The following KNL1 variants were observed in gnomAD, a reference collection of about 807,000 sequenced individuals.
The protein encoded by KNL1 is kinetochore scaffold 1, also known as outer kinetochore KNL1 complex subunit KNL1.
A neutral mutation model predicts 201.3 loss-of-function variants in KNL1; 66 were observed. The observed-to-expected ratio is 0.33, with a 90% CI of 0.27 to 0.40. KNL1 has a LOEUF of 0.40. KNL1 is among the 10% of genes least tolerant of loss of function. The pLI is 1.00. For missense variants in KNL1, 2,815 were observed against 2,690.5 expected (o/e 1.05, Z -1.02); for synonymous variants, 895 against 899.2 (o/e 1.00, Z 0.08).
intron 4 of KNL1, among the ~76,000 whole-genome samples, chr15:40,608,109 T>C (rs1174280093): frequency 6.6e-6 from 1 of 151,964 alleles, no homozygotes; most frequent in Non-Finnish European, 1.5e-5. Context: ...CAGTGAAATA[T>C]CATTCAGCCT....
intron 17 of KNL1, 52 bp from the exon 18 acceptor site, chr15:40,650,248 TC>T: frequency 8.8e-7 from 1 of 1,138,542 alleles, no homozygotes; most frequent in South Asian, 1.4e-5. Flanking sequence ...TACTTTGTTT[TC>T]TTTTTTTACT....
In KNL1 at chr15:40,662,560, C is replaced by T. The variant is rs1408318848; in HGVS notation, c.*372C>T. 4.5e-6 allele frequency: 1 copy of T among 222,634 alleles called. No individual in the cohort carries two copies. The highest frequency in any genetic ancestry group is 8.9e-6 in the Non-Finnish European group (1 of 111,972). The allele number at this position is 222,634 out of a possible 1,614,324, so 13.8% of individuals were successfully genotyped here. On this transcript the variant is annotated 3_prime_UTR_variant, in exon 26 of 26. Transcript: ENST00000399668. ...GCCATTTTCCCATAACTAGATAGAG[C>T]TATGATTTTTTAGGTTGCCTGGCTT...
intron 2 of KNL1, 60 bp from the exon 3 acceptor site, chr15:40,605,050 G>A: frequency 1.1e-6 from 1 of 875,468 alleles, no homozygotes; most frequent in Non-Finnish European, 1.9e-6. Context: ...CTGTGATGAT[G>A]CCTTTTGTGA....
chr15:40,595,528 G>A (rs996246239), intron 1 of KNL1, among the ~76,000 whole-genome samples: 11 of 152,148 alleles, frequency 7.2e-5, no homozygotes, highest in Admixed American at 6.6e-4. Context: ...TTTACAAGAT[G>A]ATAAATACAT....
chr15:40,629,472 T>C, intron 13 of KNL1, 101 bp downstream of exon 13: 1 of 161,992 alleles, frequency 6.2e-6, no homozygotes, highest in Admixed American at 2.0e-4. Flanking sequence ...GAGAGTTTTC[T>C]TTTTTTTTTT....
At chr15:40,656,055 C>T (rs28504317) in intron 22 of KNL1, among the ~76,000 whole-genome samples, 215 of 152,250 alleles carry the variant, frequency 1.4e-3, no homozygotes, top group African/African-American at 4.7e-3. Context: ...GAAGTCCATG[C>T]GATTTGTTCC....
intron 4 of KNL1, among the ~76,000 whole-genome samples, chr15:40,607,725 G>A (rs1388268053): frequency 1.3e-5 from 2 of 151,912 alleles, no homozygotes; most frequent in East Asian, 3.9e-4. Flanking sequence ...TGACCATTAG[G>A]GAAATGTAAA....
At chr15:40,626,766 G>A (rs1365525078) in intron 10 of KNL1, among the ~76,000 whole-genome samples, 3 of 151,916 alleles carry the variant, frequency 2.0e-5, no homozygotes, top group Non-Finnish European at 1.5e-5. Flanking sequence ...TTTTAGTAGA[G>A]ACGAGGTTTC....
rs767317903 is a variant in KNL1, at chr15:40,608,843, T to C, written c.136-4T>C. ...GAATTATACCATATATTCTCTGCCC[T>C]TAGGAATCCAATGCTTTGAGAAATA... On this transcript the variant is annotated splice_polypyrimidine_tract_variant and splice_region_variant and intron_variant, in intron 4 of 25. Transcript: ENST00000399668. 1.6e-5 allele frequency: 26 copies of C among 1,599,938 alleles called. No individual in the cohort carries two copies. Among genetic ancestry groups the C allele is most frequent in the Non-Finnish European group, 2.2e-5 (26 of 1,167,818 alleles).
At chr15:40,652,451 G>A (rs1893594638) in intron 21 of KNL1, among the ~76,000 whole-genome samples, 1 of 133,404 alleles carries the variant, frequency 7.5e-6, no homozygotes, top group South Asian at 2.4e-4. Flanking sequence ...AATGGCTGGA[G>A]ATTCTTTTTT....
At chr15:40,602,546 G>T (rs1253780452) in intron 1 of KNL1, among the ~76,000 whole-genome samples, 2 of 142,326 alleles carry the variant, frequency 1.4e-5, no homozygotes, top group African/African-American at 2.7e-5. Context: ...GAGTGCAATG[G>T]AGTGATCTCA....
chr15:40,618,851 T>A (rs906169363), intron 8 of KNL1, 108 bp from the exon 9 acceptor site: 1 of 662,840 alleles, frequency 1.5e-6, no homozygotes, highest in African/African-American at 1.8e-5. Flanking sequence ...AGGGCTTAGT[T>A]ACTGGTAAAT....
In KNL1 at chr15:40,602,480, C is replaced by CTTT. The variant is rs34192317; in HGVS notation, c.-17-415_-17-413dup. ...CTTCATAATGTAGTTTTTTTCCTTC[C>CTTT]TTTTTTTTTTTTTTTTTTTTTTGGA... On this transcript the variant is annotated intron_variant, in intron 1 of 25. Transcript: ENST00000399668. Among the ~76,000 whole-genome samples, 126 of 79,120 alleles carry CTTT rather than the reference C, an allele frequency of 1.6e-3. 2 individuals are homozygous for CTTT. The highest frequency in any genetic ancestry group is 4.0e-3 in the African/African-American group (80 of 19,998). The allele number at this position is 79,120 out of a possible 152,430, so 51.9% of individuals were successfully genotyped here.
intron 22 of KNL1, among the ~76,000 whole-genome samples, chr15:40,656,322 A>G (rs1467432105): frequency 2.0e-5 from 3 of 151,908 alleles, no homozygotes; most frequent in East Asian, 1.9e-4. Context: ...AGTCCCAGCT[A>G]CTCGGGAGGC....
rs1892670331 is a variant in KNL1 at position 40,624,526 on chromosome 15, T to G, written c.4262T>G (p.Val1421Gly). 1 of 1,613,546 alleles carries G rather than the reference T, an allele frequency of 6.2e-7. No individual in the cohort carries two copies. Among genetic ancestry groups the G allele is most frequent in the Admixed American group, 1.7e-5 (1 of 59,968 alleles). ...ATGACTAAACTTAATTCAAAGCGAGTATCTTTTAAGCTTCCAAAGGATCAA... is the reference window on the plus strand; with the variant it reads ...ATGACTAAACTTAATTCAAAGCGAGGATCTTTTAAGCTTCCAAAGGATCAA... ...GEMTKLNSKR[V>G]SFKLPKDQMK... is the part of the protein sequence containing the mutation. Residue 1421 changes from valine to glycine, a missense_variant, in exon 10 of 26, where the codon GTA becomes GGA. Around this residue, in one of 3 missense-constraint regions of KNL1, gnomAD observed 2,464 missense variants for 2,291.7 expected, o/e 1.08. Transcript: ENST00000399668.
In KNL1 at chr15:40,625,635, C is replaced by G. The variant is rs765989519; in HGVS notation, c.5371C>G (p.Arg1791Gly). ...TAAGTTTAGTGATACGACACAAGAT[C>G]GGGAGGTGAGCTCTGTCTTGAACCA... ...EIKFSDTTQD[R>G]EIFDHHTEED... Residue 1791 changes from arginine to glycine, a missense_variant, in exon 10 of 26, where the codon CGG becomes GGG. Coordinates refer to ENST00000399668, the MANE Select transcript of KNL1 (RefSeq NM_144508.5). 3 of 1,609,848 alleles carry G rather than the reference C, an allele frequency of 1.9e-6. No homozygotes were observed. The highest frequency in any genetic ancestry group is 1.1e-5 in the South Asian group (1 of 90,212).
intron 10 of KNL1, chr15:40,625,911 T>C (rs1432542517): frequency 8.4e-6 from 3 of 358,064 alleles, no homozygotes; most frequent in African/African-American, 6.2e-5. Context: ...AATTGTATAA[T>C]TTCAAAAATT....
Position 40,624,322 on chromosome 15 carries a change from C to G in KNL1, c.4058C>G (p.Ser1353Cys), listed in dbSNP as rs781255672. ...TTTGCCAGTGAATATTACTTGGAAT[C>G]TGAGGGACAGCCTCTCTCTGCTCCT... is the stretch of plus-strand genomic sequence containing the variant. ...NDFASEYYLE[S>C]EGQPLSAPCP... Residue 1353 changes from serine (S) to cysteine (C), a missense_variant, in exon 10 of 26, where the codon TCT (serine) becomes TGT (cysteine). Transcript: ENST00000399668. The G allele has an allele frequency of 3.1e-6, 5 of 1,614,012 alleles. No individual in the cohort carries two copies. Among genetic ancestry groups the G allele is most frequent in the Admixed American group, 1.7e-5 (1 of 60,022 alleles).
rs145740834 is a variant in KNL1 at position 40,623,079 on chromosome 15, A to T, written c.2815A>T (p.Met939Leu). The T allele has an allele frequency of 8.3e-4, 1,343 of 1,613,968 alleles. 2 individuals are homozygous for T. The highest frequency in any genetic ancestry group is 1.5e-3 in the Admixed American group (88 of 60,008). ...VSPDEITTRP[M>L]DKTVVFVDNH... ...ACCAGATGAAATAACTACTAGGCCT[A>T]TGGACAAAACTGTAGTGTTTGTAGA... The change falls in exon 10 of 26, where the codon ATG becomes TTG. Residue 939 changes from methionine to leucine, a missense_variant. Met to Leu is a conservative substitution (Grantham distance 15, BLOSUM62 2). This residue lies in a region of KNL1 where 2,464 missense variants were observed against 2,291.7 expected (regional missense o/e 1.08). Coordinates refer to ENST00000399668, the MANE Select transcript of KNL1 (RefSeq NM_144508.5).
Sources: gnomAD v4.1 joint callset for allele counts (sites outside exome capture counted in the v4.1 genomes callset) on GRCh38, gnomAD v4.1.1 for gene constraint, gnomAD v4.1.1 regional missense constraint, MANE v1.5 for transcripts, NCBI Gene and HGNC (gene_info 2026-07-23, HGNC 2026-07-21) for gene names.